Variants in SH3PXD2B observed in about 807,000 individuals in gnomAD.
The protein encoded by SH3PXD2B is SH3 and PX domain-containing protein 2B.
SH3PXD2B carries 37 observed loss-of-function variants against 73.1 expected under a neutral mutation model. The observed-to-expected ratio is 0.51, with a 90% CI of 0.39 to 0.67. The LOEUF (loss-of-function observed/expected upper bound fraction) is 0.67, where lower values mean the gene tolerates loss of function less well. SH3PXD2B is among the 30% of genes least tolerant of loss of function. The pLI, the probability that SH3PXD2B is intolerant of heterozygous loss-of-function variation, is 0.00. For synonymous variants in SH3PXD2B, 457 were observed against 480.5 expected, an observed-to-expected ratio of 0.95 and a Z score of 0.64; for missense variants, 1,053 against 1,197.8, an observed-to-expected ratio of 0.88 and a Z score of 1.78.
In SH3PXD2B at chr5:172,431,168, G is replaced by A. The variant is rs558245856; in HGVS notation, c.76-8672C>T. Among the ~76,000 whole-genome samples the A allele has an allele frequency of 5.3e-5, 8 of 152,342 alleles. No homozygotes were observed. In the East Asian group the frequency reaches 1.5e-3, roughly 29 times the overall value. ...AGGCGTGAGCCACCGCGCCCAGGCT[G>A]TAACCACCTGTTCTGCCTAACCCCC... On this transcript the variant is annotated intron_variant, in intron 1 of 12. Transcript: ENST00000311601.
chr5:172,339,506 C>A lies in SH3PXD2B; in HGVS notation c.1599G>T (p.Glu533Asp), dbSNP rs184298693. Residue 533 changes from glutamate to aspartate, a missense_variant, in exon 13 of 13, where the codon GAG becomes GAT. This residue lies in a region of SH3PXD2B where 587 missense variants were observed against 590.7 expected (regional missense o/e 0.99). Coordinates refer to ENST00000311601, the MANE Select transcript of SH3PXD2B (RefSeq NM_001017995.3). The surrounding 1 kb of genome is among the most constrained non-coding windows in gnomAD (Gnocchi z 6.1). ...CCCGCTCCCGCTCCAGCAGCTCCCC[C>A]TCCGACTTGATGATGGATTCTTTCC... ...PPRKESIIKS[E>D]GELLERERER... The A allele has an allele frequency of 1.2e-6, 2 of 1,613,952 alleles. No homozygotes were observed. Among genetic ancestry groups the A allele is most frequent in the Admixed American group, 3.3e-5 (2 of 60,014 alleles).
rs529467965 is a variant in SH3PXD2B, at chr5:172,354,853, C to T, written c.668-848G>A. Among the ~76,000 whole-genome samples, 79 of 152,206 alleles carry T rather than the reference C, an allele frequency of 5.2e-4. 1 individual carries two copies. Among genetic ancestry groups the T allele is most frequent in the South Asian group, 2.1e-4 (1 of 4,832 alleles). On this transcript the variant is annotated intron_variant, in intron 8 of 12. Transcript: ENST00000311601. ...TCCCCCGACCCCTGAAACTGTGGGA[C>T]CATCCTTATGGCCTCACCCTCCTCC...
chr5:172,350,340 G>A (rs759856913), intron 10 of SH3PXD2B, 23 bp downstream of exon 10: 77 of 1,611,206 alleles, frequency 4.8e-5, no homozygotes, highest in Non-Finnish European at 6.0e-5. Flanking sequence ...TGATTATCAG[G>A]AGCTTGGGCG....
In SH3PXD2B at chr5:172,337,286, T is replaced by G; in HGVS notation, c.*1083A>C. On this transcript the variant is annotated 3_prime_UTR_variant, in exon 13 of 13. Coordinates refer to ENST00000311601, the MANE Select transcript of SH3PXD2B (RefSeq NM_001017995.3). ...CCACTTGGCCACCACTTAGCCAGCT[T>G]CTATCTCTTCCCTGCCTGGTTTGTC... The G allele has an allele frequency of 1.0e-6, 1 of 985,690 alleles. No individual in the cohort carries two copies. The highest frequency in any genetic ancestry group is 4.7e-5 in the South Asian group (1 of 21,292). The allele number at this position is 985,690 out of a possible 1,614,324, so 61.1% of individuals were successfully genotyped here. A position where few individuals can be genotyped will look rare whatever the true frequency, so the allele number is the denominator to read the frequency against.
In SH3PXD2B at chr5:172,337,503, G is replaced by T; in HGVS notation, c.*866C>A. 1 of 985,534 alleles carries T rather than the reference G, an allele frequency of 1.0e-6. No individual in the cohort carries two copies. The highest frequency in any genetic ancestry group is 1.2e-6 in the Non-Finnish European group (1 of 829,968). The allele number at this position is 985,534 out of a possible 1,614,324, so 61.0% of individuals were successfully genotyped here. A position where few individuals can be genotyped will look rare whatever the true frequency, so the allele number is the denominator to read the frequency against. The stretch of plus-strand genomic sequence containing the variant: ...GTGTTTGGCACCCACGAGGCACTCA[G>T]CAAAGGGGTGCTCACAAGGGCACGA... On this transcript the variant is annotated 3_prime_UTR_variant, in exon 13 of 13. Transcript: ENST00000311601.
chr5:172,446,638 T>C (rs989594386), intron 1 of SH3PXD2B, among the ~76,000 whole-genome samples: 2 of 152,180 alleles, frequency 1.3e-5, no homozygotes, highest in Admixed American at 6.5e-5. Flanking sequence ...GCTTGCCGAC[T>C]TGCCTGCACC....
At chr5:172,444,884 T>TG (rs972880453) in intron 1 of SH3PXD2B, among the ~76,000 whole-genome samples, 56 of 151,976 alleles carry the variant, frequency 3.7e-4, no homozygotes, top group African/African-American at 7.7e-4. Flanking sequence ...ATGGCCTTCC[T>TG]GGGGGGGGAC....
chr5:172,398,175 C>T (rs1380286378), intron 3 of SH3PXD2B, among the ~76,000 whole-genome samples: 1 of 152,252 alleles, frequency 6.6e-6, no homozygotes, highest in African/African-American at 2.4e-5. Flanking sequence ...GGGCTATTAA[C>T]ACTGTAATTA....
chr5:172,352,381 T>C (rs1292016179), intron 9 of SH3PXD2B, among the ~76,000 whole-genome samples: 2 of 152,068 alleles, frequency 1.3e-5, no homozygotes, highest in African/African-American at 2.4e-5. Context: ...TGCATCACCA[T>C]GCCTGGCTAA....
Position 172,325,268 on chromosome 5 carries a change from C to T in SH3PXD2B, c.*8G>A, listed in dbSNP as rs755449947. 2.3e-4 allele frequency: 345 copies of T among 1,529,158 alleles called. 3 individuals are homozygous for T. Among genetic ancestry groups the T allele is most frequent in the Admixed American group, 9.7e-4 (49 of 50,530 alleles). The allele number at this position is 1,529,158 out of a possible 1,614,324, so 94.7% of individuals were successfully genotyped here. ...CATGTTCACAGCAGCAAGGACATGA[C>T]GTGGTTCTCACATCTCCATGGAAGC... is the stretch of plus-strand genomic sequence containing the variant. On this transcript the variant is annotated 3_prime_UTR_variant, in exon 13 of 13. Coordinates refer to the SH3PXD2B transcript ENST00000519643.
intron 9 of SH3PXD2B, among the ~76,000 whole-genome samples, chr5:172,351,447 AT>A (rs1177284547): frequency 6.6e-6 from 1 of 152,144 alleles, no homozygotes; most frequent in Non-Finnish European, 1.5e-5. Flanking sequence ...TTTAACAGCA[AT>A]GACCAGAGGG....
rs920251011 is a variant in SH3PXD2B, at chr5:172,335,055, G to A, written c.*3314C>T. Reference sequence around the variant, plus strand: ...GCTCTCCCGCAGTCTCAGCTGGGACGACATACACCCACCAATGGCAAAGAA... The same window carrying A: ...GCTCTCCCGCAGTCTCAGCTGGGACAACATACACCCACCAATGGCAAAGAA... On this transcript the variant is annotated 3_prime_UTR_variant, in exon 13 of 13. Transcript: ENST00000311601. 4.1e-6 allele frequency: 4 copies of A among 985,452 alleles called. No homozygotes were observed. The South Asian group carries it at 1.4e-4, about 35-fold the overall frequency. 61.0% of individuals were successfully genotyped at this position (985,452 alleles called of 1,614,324 possible).
At chr5:172,450,657 C>T (rs540795292) in intron 1 of SH3PXD2B, among the ~76,000 whole-genome samples, 1 of 152,222 alleles carries the variant, frequency 6.6e-6, no homozygotes, top group East Asian at 1.9e-4. Context: ...CATCTCCAGG[C>T]TCCTGCTGCC....
In SH3PXD2B at chr5:172,333,948, G is replaced by C. The variant is rs899603736; in HGVS notation, c.*4421C>G. ...ACTGGGGTAAAATGTGGACACCATC[G>C]TTGCATTAGAATTGCTTATTGCTGA... On this transcript the variant is annotated 3_prime_UTR_variant, in exon 13 of 13. Coordinates refer to ENST00000311601, the MANE Select transcript of SH3PXD2B (RefSeq NM_001017995.3). The C allele has an allele frequency of 2.3e-5, 28 of 1,237,220 alleles. No individual in the cohort carries two copies. Among genetic ancestry groups the C allele is most frequent in the Non-Finnish European group, 2.9e-5 (28 of 970,324 alleles). The allele number at this position is 1,237,220 out of a possible 1,614,324, so 76.6% of individuals were successfully genotyped here.
chr5:172,374,540 G>T (rs1031328305), intron 5 of SH3PXD2B, among the ~76,000 whole-genome samples: 1 of 152,190 alleles, frequency 6.6e-6, no homozygotes, highest in African/African-American at 2.4e-5. Context: ...AAATTAGCTG[G>T]GCATGATGGC....
At chr5:172,356,946 C>T (rs185662570) in intron 8 of SH3PXD2B, among the ~76,000 whole-genome samples, 49 of 152,196 alleles carry the variant, frequency 3.2e-4, no homozygotes, top group South Asian at 1.0e-3. Flanking sequence ...TGAGTATTAA[C>T]CGTGAACTTG....
At chr5:172,333,392 T>G (rs376221711), downstream of SH3PXD2B, 307 of 625,220 alleles carry the variant, frequency 4.9e-4, 1 homozygote, top group African/African-American at 5.6e-3. Flanking sequence ...TTCTCCACAG[T>G]TCCCAAACAT....
chr5:172,382,943 G>A (rs1386894983), intron 4 of SH3PXD2B, among the ~76,000 whole-genome samples: 1 of 148,560 alleles, frequency 6.7e-6, no homozygotes, highest in Non-Finnish European at 1.5e-5. Flanking sequence ...TCGGCATGTT[G>A]GCCAGGCTGG....
At position 172,402,782 on chromosome 5, in the gene SH3PXD2B, G is replaced by C. The variant is rs138257948; in HGVS notation, c.232+3495C>G. On this transcript the variant is annotated intron_variant, in intron 3 of 12. Transcript: ENST00000311601. The stretch of plus-strand genomic sequence containing the variant: ...TTAGAAGCTGTCTCCATGACACCCA[G>C]CACCGGGGTGGCCCTTAGTAGGTGC... 6.6e-5 allele frequency among the ~76,000 whole-genome samples: 10 copies of C among 152,362 alleles called. No individual in the cohort carries two copies. The East Asian group carries it at 1.5e-3, about 24-fold the overall frequency.
Sources: gnomAD v4.1 joint callset for allele counts (sites outside exome capture counted in the v4.1 genomes callset) on GRCh38, gnomAD v4.1.1 for gene constraint, gnomAD v4.1.1 regional missense constraint, Gnocchi (gnomAD v3.1) non-coding constraint, MANE v1.5 for transcripts, NCBI Gene and HGNC (gene_info 2026-07-23, HGNC 2026-07-21) for gene names.